The following ABL1 variants were observed in gnomAD, a reference collection of about 807,000 sequenced individuals.
The protein encoded by ABL1 is ABL proto-oncogene 1, non-receptor tyrosine kinase, also known as tyrosine-protein kinase ABL1.
In ABL1, 11 loss-of-function variants were observed where a neutral mutation model predicts 94.7. The ratio of observed to expected loss-of-function variants is 0.12; its 90% CI spans 0.07 to 0.19. The LOEUF is 0.19. ABL1 is among the 10% of genes least tolerant of loss of function. The probability of loss-of-function intolerance (pLI) is 1.00; values close to 1 mark genes in which losing one functional copy is unlikely to be tolerated. For synonymous variants in ABL1, 656 were observed against 622.4 expected, an observed-to-expected ratio of 1.05 and a Z score of -0.80; for missense variants, 1,082 against 1,489.4, an observed-to-expected ratio of 0.73 and a Z score of 4.50.
At chr9:130,754,200 C>G (rs1318331116) in intron 1 of ABL1, among the ~76,000 whole-genome samples, 2 of 131,492 alleles carry the variant, frequency 1.5e-5, no homozygotes, top group Non-Finnish European at 3.2e-5. Flanking sequence ...GAGTGGGACT[C>G]TGTCTCAGAA....
chr9:130,847,414 T>C (rs1830789802), intron 1 of ABL1, among the ~76,000 whole-genome samples: 1 of 152,264 alleles, frequency 6.6e-6, no homozygotes, highest in East Asian at 1.9e-4. Context: ...TTTAGGGGAA[T>C]CTTGCTTCCT....
chr9:130,880,011 G>T lies in ABL1; in HGVS notation c.1424-57G>T. The T allele has an allele frequency of 6.7e-7, 1 of 1,490,676 alleles. No individual in the cohort carries two copies. Among genetic ancestry groups the T allele is most frequent in the Non-Finnish European group, 9.4e-7 (1 of 1,067,482 alleles). 92.3% of individuals were successfully genotyped at this position (1,490,676 alleles called of 1,614,324 possible). On this transcript the variant is annotated intron_variant, in intron 8 of 10. Transcript: ENST00000318560. The surrounding 1 kb of genome is among the most constrained non-coding windows in gnomAD (Gnocchi z 4.4). ...CTAGACTTTTCCTTGAGAACTGCTA[G>T]CCCCGTATTGCTAGCCAGATCTCAT...
chr9:130,756,355 G>T (rs1248370799), intron 1 of ABL1, among the ~76,000 whole-genome samples: 1 of 150,898 alleles, frequency 6.6e-6, no homozygotes, highest in East Asian at 1.9e-4. Flanking sequence ...CAAATGAAAG[G>T]TTGCCATTTC....
At chr9:130,795,351 T>C (rs979362306) in intron 1 of ABL1, among the ~76,000 whole-genome samples, 1 of 152,242 alleles carries the variant, frequency 6.6e-6, no homozygotes, top group East Asian at 1.9e-4. Context: ...TTCCTGGAAG[T>C]GGTTCCAGAA....
rs183579488 is a variant in ABL1 at position 130,787,808 on chromosome 9, T to C, written c.137-66256T>C. ...GATGTTTTCCCGTCACCTGTTGACA[T>C]GGCAGCCTCATCTTCCTCCTGTGCT... On this transcript the variant is annotated intron_variant, in intron 1 of 10. Transcript: ENST00000372348. Among the ~76,000 whole-genome samples, 13 of 152,338 alleles carry C rather than the reference T, an allele frequency of 8.5e-5. No individual in the cohort carries two copies. The East Asian group carries it at 2.3e-3, about 27-fold the overall frequency.
At chr9:130,807,933 G>C (rs1214065543) in intron 1 of ABL1, among the ~76,000 whole-genome samples, 2 of 151,026 alleles carry the variant, frequency 1.3e-5, no homozygotes, top group East Asian at 3.9e-4. Flanking sequence ...CCTGACCTCA[G>C]GTGATCCCCC....
chr9:130,806,814 C>T (rs115269293), intron 1 of ABL1, among the ~76,000 whole-genome samples: 2,240 of 152,210 alleles, frequency 0.015, 45 homozygotes, highest in African/African-American at 0.048. Context: ...GTCTTGGATA[C>T]ATTTTCCTAT....
chr9:130,767,281 T>A (rs1323515025), intron 1 of ABL1, among the ~76,000 whole-genome samples: 1 of 152,226 alleles, frequency 6.6e-6, no homozygotes, highest in African/African-American at 2.4e-5. Flanking sequence ...CCCTTTGCGA[T>A]CCCATTCTTC....
At chr9:130,838,784 A>G (rs1425617456) in intron 1 of ABL1, among the ~76,000 whole-genome samples, 6 of 152,226 alleles carry the variant, frequency 3.9e-5, no homozygotes, top group Non-Finnish European at 8.8e-5. Context: ...TTTTATTTTC[A>G]TTTGTTCATG....
chr9:130,813,381 GAAACCCCTTCT>G (rs1830238041), intron 1 of ABL1, among the ~76,000 whole-genome samples: 1 of 151,578 alleles, frequency 6.6e-6, no homozygotes, highest in Admixed American at 6.6e-5. Context: ...CTAACATGGT[GAAACCCCTTCT>G]CTACTAAAAA....
chr9:130,729,984 C>T lies in ABL1; in HGVS notation c.136+15529C>T, dbSNP rs569327430. 6.6e-5 allele frequency among the ~76,000 whole-genome samples: 10 copies of T among 151,270 alleles called. No individual in the cohort carries two copies. In the South Asian group the frequency reaches 1.9e-3, roughly 28 times the overall value. On this transcript the variant is annotated intron_variant, in intron 1 of 10. Transcript: ENST00000372348. ...TCCCGAACTCCTGACCTCAAGTGATCCACCTGCCTTGGCCCCCCAAAGTGC... is the reference window on the plus strand; with the variant it reads ...TCCCGAACTCCTGACCTCAAGTGATTCACCTGCCTTGGCCCCCCAAAGTGC...
intron 1 of ABL1, among the ~76,000 whole-genome samples, chr9:130,844,646 T>C (rs986397595): frequency 1.3e-5 from 2 of 151,918 alleles, no homozygotes. Flanking sequence ...ACTAAAGATA[T>C]AAAAATTAGC....
chr9:130,781,568 A>C (rs1398789616), intron 1 of ABL1, among the ~76,000 whole-genome samples: 1 of 152,124 alleles, frequency 6.6e-6, no homozygotes, highest in South Asian at 2.1e-4. Flanking sequence ...TTGACTTTTA[A>C]ATTGATAATC....
At chr9:130,721,602 C>G (rs1193021306) in intron 1 of ABL1, among the ~76,000 whole-genome samples, 1 of 151,782 alleles carries the variant, frequency 6.6e-6, no homozygotes. Context: ...CCCAGCTACT[C>G]AAGAGGCTAA....
At chr9:130,758,672 A>T (rs1260238641) in intron 1 of ABL1, among the ~76,000 whole-genome samples, 1 of 152,078 alleles carries the variant, frequency 6.6e-6, no homozygotes, top group Non-Finnish European at 1.5e-5. Context: ...ACCTCAAGTG[A>T]TCCATCCACC....
intron 1 of ABL1, among the ~76,000 whole-genome samples, chr9:130,751,289 G>A (rs1235818382): frequency 6.6e-6 from 1 of 151,298 alleles, no homozygotes; most frequent in Non-Finnish European, 1.5e-5. Flanking sequence ...CTACAGGCAC[G>A]TGCCACGACA....
At chr9:130,883,469 C>T (rs368520407) in intron 10 of ABL1, among the ~76,000 whole-genome samples, 5 of 149,598 alleles carry the variant, frequency 3.3e-5, no homozygotes, top group South Asian at 2.1e-4. Context: ...TGCACTCCAG[C>T]GTAGGCAACA....
chr9:130,759,653 CTG>C (rs1216775128), intron 1 of ABL1, among the ~76,000 whole-genome samples: 6 of 152,116 alleles, frequency 3.9e-5, no homozygotes, highest in Non-Finnish European at 4.4e-5. Flanking sequence ...AGTGTAAAAA[CTG>C]TGATTCCTTT....
chr9:130,772,649 A>C (rs1311990833), intron 1 of ABL1, among the ~76,000 whole-genome samples: 1 of 152,164 alleles, frequency 6.6e-6, no homozygotes, highest in Non-Finnish European at 1.5e-5. Context: ...CACACCCCAA[A>C]TCTGTTGAAA....
Sources: allele counts gnomAD v4.1 joint callset (sites outside exome capture counted in the v4.1 genomes callset), GRCh38; gene constraint gnomAD v4.1.1; non-coding constraint Gnocchi (gnomAD v3.1); transcripts MANE v1.5; gene names NCBI Gene and HGNC (gene_info 2026-07-23, HGNC 2026-07-21).